CNTNAP2: variants seen among roughly 807,000 people sequenced by gnomAD.
The protein encoded by CNTNAP2 is contactin-associated protein-like 2.
Under a neutral mutation model 155.2 loss-of-function variants are expected in CNTNAP2, and 98 were observed. The ratio of observed to expected loss-of-function variants is 0.63; its 90% confidence interval spans 0.54 to 0.75. The LOEUF is 0.75. Among genes scored for constraint, CNTNAP2 ranks in the 30% least tolerant of loss-of-function variants. The probability of loss-of-function intolerance (pLI) is 0.00; values close to 1 mark genes in which losing one functional copy is unlikely to be tolerated. For synonymous variants in CNTNAP2, 651 were observed against 631.2 expected (o/e 1.03, Z -0.47); for missense variants, 1,727 against 1,688.1 (o/e 1.02, Z -0.40).
chr7:148,386,397 G>T (rs147678585), intron 22 of CNTNAP2, among the ~76,000 whole-genome samples: 1 of 152,074 alleles, frequency 6.6e-6, no homozygotes, highest in Non-Finnish European at 1.5e-5. Context: ...GCGTGGTGGC[G>T]CACGCCTGTA....
chr7:146,491,057 A>C (rs1797131465), intron 1 of CNTNAP2, among the ~76,000 whole-genome samples: 1 of 152,150 alleles, frequency 6.6e-6, no homozygotes, highest in Non-Finnish European at 1.5e-5. Context: ...AGTGCATATT[A>C]TATGAAAAAG....
chr7:147,183,764 C>T (rs1802512931), intron 8 of CNTNAP2, among the ~76,000 whole-genome samples: 1 of 152,074 alleles, frequency 6.6e-6, no homozygotes, highest in Non-Finnish European at 1.5e-5. Flanking sequence ...GGATAGTCTC[C>T]ATGGTCTCAG....
chr7:147,916,677 G>GAA (rs11423683), intron 14 of CNTNAP2, among the ~76,000 whole-genome samples: 1,572 of 128,574 alleles, frequency 0.012, 34 homozygotes, highest in African/African-American at 0.041. Context: ...TATGTTTTCT[G>GAA]AAAAAAAAAA....
In CNTNAP2 at chr7:146,131,894, A is replaced by G. The variant is rs117950681; in HGVS notation, c.97+14921A>G. On this transcript the variant is annotated intron_variant, in intron 1 of 23. Coordinates refer to ENST00000361727, the MANE Select transcript of CNTNAP2 (RefSeq NM_014141.6). ...TGAGTCTCAATCTGATGGTGTTAAA[A>G]GTGGCAGTTGTTTCCTGTGCTCGAA... Among the ~76,000 whole-genome samples the G allele has an allele frequency of 3.0e-4, 45 of 152,214 alleles. No homozygotes were observed. In the East Asian group the frequency reaches 7.0e-3, roughly 24 times the overall value.
chr7:147,291,340 G>T (rs1422541398), intron 8 of CNTNAP2, among the ~76,000 whole-genome samples: 3 of 151,674 alleles, frequency 2.0e-5, no homozygotes, highest in Non-Finnish European at 4.4e-5. Context: ...TCCACAACAG[G>T]CCCCGGTGTG....
chr7:147,951,755 A>T (rs2246605), intron 14 of CNTNAP2, among the ~76,000 whole-genome samples: 13 of 150,658 alleles, frequency 8.6e-5, no homozygotes, highest in African/African-American at 2.9e-4. Flanking sequence ...ACAACATACA[A>T]GGGGGGCCTG....
At chr7:147,111,346 T>C (rs1458425300) in intron 5 of CNTNAP2, among the ~76,000 whole-genome samples, 1 of 152,244 alleles carries the variant, frequency 6.6e-6, no homozygotes, top group Non-Finnish European at 1.5e-5. Flanking sequence ...CAGTTTCTTT[T>C]ACTGTGCAGA....
At chr7:147,956,957 C>T (rs968766895) in intron 14 of CNTNAP2, among the ~76,000 whole-genome samples, 13 of 152,238 alleles carry the variant, frequency 8.5e-5, no homozygotes, top group South Asian at 8.3e-4. Context: ...CTCCATGTAA[C>T]GCATAACTGG....
intron 1 of CNTNAP2, among the ~76,000 whole-genome samples, chr7:146,413,128 G>T (rs1463890526): frequency 6.6e-6 from 1 of 152,180 alleles, no homozygotes; most frequent in Non-Finnish European, 1.5e-5. Flanking sequence ...TAATGGTAAA[G>T]ACATGAGACT....
At chr7:146,239,684 TA>T (rs1306178871) in intron 1 of CNTNAP2, among the ~76,000 whole-genome samples, 1 of 152,192 alleles carries the variant, frequency 6.6e-6, no homozygotes, top group Non-Finnish European at 1.5e-5. Context: ...GTCTTATACT[TA>T]TGTATATTTC....
At chr7:146,276,335 C>T (rs1322507508) in intron 1 of CNTNAP2, among the ~76,000 whole-genome samples, 2 of 152,136 alleles carry the variant, frequency 1.3e-5, no homozygotes, top group Non-Finnish European at 2.9e-5. Context: ...TGTATTCCTC[C>T]TCTTTAAGTC....
At chr7:147,107,527 T>G (rs1290067055) in intron 4 of CNTNAP2, among the ~76,000 whole-genome samples, 2 of 152,092 alleles carry the variant, frequency 1.3e-5, no homozygotes, top group Non-Finnish European at 1.5e-5. Flanking sequence ...CCATTCCAAA[T>G]GCAAGGAGGT....
At chr7:147,712,574 G>A (rs148919651) in intron 13 of CNTNAP2, among the ~76,000 whole-genome samples, 4,268 of 152,244 alleles carry the variant, frequency 0.028, 87 homozygotes, top group Middle Eastern at 0.11. Context: ...CCATAAAAAG[G>A]ATGAGTTCAT....
At chr7:146,347,961 T>TTC (rs1263401977) in intron 1 of CNTNAP2, among the ~76,000 whole-genome samples, 1 of 152,176 alleles carries the variant, frequency 6.6e-6, no homozygotes, top group African/African-American at 2.4e-5. Context: ...TCTGAAACAG[T>TTC]TATCATCAGT....
intron 13 of CNTNAP2, among the ~76,000 whole-genome samples, chr7:147,809,906 C>T (rs1798153443): frequency 6.6e-6 from 1 of 152,168 alleles, no homozygotes; most frequent in Non-Finnish European, 1.5e-5. Flanking sequence ...GATTCAGTCA[C>T]ATTTGATTTT....
intron 10 of CNTNAP2, among the ~76,000 whole-genome samples, chr7:147,435,631 A>C (rs1268079653): frequency 6.6e-6 from 1 of 152,182 alleles, no homozygotes; most frequent in African/African-American, 2.4e-5. Flanking sequence ...TCTAATTTCT[A>C]ATGTTTATAG....
chr7:148,068,728 G>A (rs530589320), intron 15 of CNTNAP2, among the ~76,000 whole-genome samples: 1 of 152,214 alleles, frequency 6.6e-6, no homozygotes, highest in Admixed American at 6.5e-5. Flanking sequence ...AATACCCTGA[G>A]TTACAAGGTT....
chr7:146,616,136 A>G (rs558912967), intron 1 of CNTNAP2, among the ~76,000 whole-genome samples: 1 of 152,264 alleles, frequency 6.6e-6, no homozygotes, highest in East Asian at 1.9e-4. Context: ...GTCTATAAAA[A>G]TAAGAGGGGA....
rs938824503 is a variant in CNTNAP2 at position 146,433,259 on chromosome 7, T to A, written c.97+316286T>A. On this transcript the variant is annotated intron_variant, in intron 1 of 23. Coordinates refer to ENST00000361727, the MANE Select transcript of CNTNAP2 (RefSeq NM_014141.6). ...ACACAGAAAGAAATCAAATTAATAATTCAAAACGTAAAAGCTATCTGTTGG... is the reference window on the plus strand; with the variant it reads ...ACACAGAAAGAAATCAAATTAATAAATCAAAACGTAAAAGCTATCTGTTGG... 5.9e-5 allele frequency among the ~76,000 whole-genome samples: 9 copies of A among 152,220 alleles called. No homozygotes were observed. In the East Asian group the frequency reaches 1.2e-3, roughly 20 times the overall value.
Sources: gnomAD v4.1 joint callset for allele counts (sites outside exome capture counted in the v4.1 genomes callset) on GRCh38, gnomAD v4.1.1 for gene constraint, MANE v1.5 for transcripts, NCBI Gene and HGNC (gene_info 2026-07-23, HGNC 2026-07-21) for gene names.